The following DLC1 variants were observed in gnomAD, a reference collection of about 807,000 sequenced individuals.
DLC1 encodes the protein rho GTPase-activating protein 7.
A neutral mutation model predicts 140.3 loss-of-function variants in DLC1; 54 were observed. The observed-to-expected ratio is 0.38, with a 90% CI of 0.31 to 0.48. The LOEUF (loss-of-function observed/expected upper bound fraction) is 0.48, where lower values mean the gene tolerates loss of function less well. Ranked by LOEUF, DLC1 falls within the 20% of genes least tolerant of loss-of-function variation. The pLI is 0.96. For missense variants in DLC1, 2,536 were observed against 1,907.0 expected, an observed-to-expected ratio of 1.33 and a Z score of -6.14; for synonymous variants, 986 against 728.1, an observed-to-expected ratio of 1.35 and a Z score of -5.70.
intron 5 of DLC1, among the ~76,000 whole-genome samples, chr8:13,200,812 G>T (rs1247976083): frequency 6.6e-6 from 1 of 152,050 alleles, no homozygotes; most frequent in Non-Finnish European, 1.5e-5. Context: ...TGCCCAGGCT[G>T]GTCCGGAACT....
At chr8:13,494,251 A>T (rs1801397245) in intron 2 of DLC1, among the ~76,000 whole-genome samples, 1 of 152,226 alleles carries the variant, frequency 6.6e-6, no homozygotes, top group Non-Finnish European at 1.5e-5. Flanking sequence ...TATTTATGTT[A>T]TGAGTTATCT....
intron 5 of DLC1, among the ~76,000 whole-genome samples, chr8:13,224,319 C>T (rs1166784635): frequency 6.6e-6 from 1 of 152,120 alleles, no homozygotes; most frequent in East Asian, 1.9e-4. Flanking sequence ...TCTGGAAGAT[C>T]CTATTGCTGA....
At chr8:13,357,557 C>G (rs1171855733) in intron 4 of DLC1, among the ~76,000 whole-genome samples, 2 of 152,176 alleles carry the variant, frequency 1.3e-5, no homozygotes, top group African/African-American at 4.8e-5. Flanking sequence ...CTGGCACATT[C>G]TTACTGGGTT....
intron 1 of DLC1, among the ~76,000 whole-genome samples, chr8:13,549,918 C>T (rs1803786695): frequency 1.3e-5 from 2 of 152,046 alleles, no homozygotes; most frequent in East Asian, 1.9e-4. Flanking sequence ...ACAAACTACA[C>T]GTGAATAGGC....
intron 4 of DLC1, among the ~76,000 whole-genome samples, chr8:13,351,491 C>G (rs1834660565): frequency 6.6e-6 from 1 of 152,096 alleles, no homozygotes; most frequent in African/African-American, 2.4e-5. Flanking sequence ...ATCTTGTGAA[C>G]TACATTTTTT....
intron 5 of DLC1, among the ~76,000 whole-genome samples, chr8:13,235,397 C>T (rs1829230461): frequency 6.6e-6 from 1 of 152,064 alleles, no homozygotes; most frequent in Non-Finnish European, 1.5e-5. Flanking sequence ...GAATGGATTA[C>T]ATTCTCCTCA....
chr8:13,268,398 T>C (rs955625285), intron 5 of DLC1, among the ~76,000 whole-genome samples: 3 of 152,026 alleles, frequency 2.0e-5, no homozygotes, highest in Non-Finnish European at 4.4e-5. Flanking sequence ...CACTGCAAGC[T>C]CCGCCTCCCA....
intron 1 of DLC1, among the ~76,000 whole-genome samples, chr8:13,603,606 A>G (rs1368789667): frequency 6.6e-6 from 1 of 152,082 alleles, no homozygotes; most frequent in East Asian, 1.9e-4. Flanking sequence ...TCTCTACATC[A>G]TAGTGGCAAT....
chr8:13,584,985 C>A (rs938070838), intron 1 of DLC1, among the ~76,000 whole-genome samples: 2 of 152,180 alleles, frequency 1.3e-5, no homozygotes, highest in African/African-American at 4.8e-5. Flanking sequence ...GTGCAGTATA[C>A]TCTGTAAAAT....
intron 1 of DLC1, among the ~76,000 whole-genome samples, chr8:13,590,840 T>C (rs1443631139): frequency 6.6e-6 from 1 of 152,168 alleles, no homozygotes; most frequent in Non-Finnish European, 1.5e-5. Flanking sequence ...TAATTAAAAA[T>C]GCTTCATTTA....
intron 5 of DLC1, among the ~76,000 whole-genome samples, chr8:13,257,898 G>A (rs537610682): frequency 1.3e-5 from 2 of 152,250 alleles, no homozygotes; most frequent in South Asian, 2.1e-4. Flanking sequence ...TTTTATCAAA[G>A]CAATGAAAAA....
At chr8:13,379,776 G>A (rs1404934913) in intron 4 of DLC1, among the ~76,000 whole-genome samples, 4 of 152,134 alleles carry the variant, frequency 2.6e-5, no homozygotes, top group Admixed American at 1.3e-4. Context: ...CAGGCCTTAG[G>A]TATTTGTCCT....
intron 1 of DLC1, among the ~76,000 whole-genome samples, chr8:13,522,733 G>C (rs1449924899): frequency 1.3e-5 from 2 of 152,124 alleles, no homozygotes; most frequent in African/African-American, 4.8e-5. Context: ...AGAAAATGCA[G>C]AGCATGCTAA....
intron 2 of DLC1, among the ~76,000 whole-genome samples, chr8:13,432,790 A>C (rs893783056): frequency 6.6e-6 from 1 of 152,152 alleles, no homozygotes; most frequent in Non-Finnish European, 1.5e-5. Flanking sequence ...CATGAAGTCT[A>C]CTCAGGAGGT....
intron 4 of DLC1, among the ~76,000 whole-genome samples, chr8:13,379,255 T>G (rs987015340): frequency 1.3e-5 from 2 of 152,212 alleles, no homozygotes; most frequent in African/African-American, 4.8e-5. Flanking sequence ...CCTGGCCTAA[T>G]TGCCTTCACC....
intron 5 of DLC1, among the ~76,000 whole-genome samples, chr8:13,271,237 T>C (rs1830919188): frequency 6.6e-6 from 1 of 152,186 alleles, no homozygotes. Context: ...AAGTGTTTGT[T>C]TACTAGAGGA....
rs1056025287 is a variant in DLC1 at position 13,149,381 on chromosome 8, C to A, written c.1349-33724G>T. On this transcript the variant is annotated intron_variant, in intron 5 of 17. Transcript: ENST00000276297. The stretch of plus-strand genomic sequence containing the variant: ...TTAATATTCTTCTCATTTCCTACCC[C>A]CAGAACTTGCTCTGAAGCAGTCTGT... 2.0e-4 allele frequency among the ~76,000 whole-genome samples: 31 copies of A among 152,138 alleles called. 1 individual carries two copies. Among genetic ancestry groups the A allele is most frequent in the African/African-American group, 1.4e-4 (6 of 41,420 alleles).
chr8:13,569,719 A>G (rs1037968832), intron 1 of DLC1, among the ~76,000 whole-genome samples: 2 of 152,090 alleles, frequency 1.3e-5, no homozygotes, highest in African/African-American at 2.4e-5. Flanking sequence ...TATTTTTTAA[A>G]TTTGTTACTT....
intron 2 of DLC1, among the ~76,000 whole-genome samples, chr8:13,443,313 C>T (rs1235334770): frequency 6.8e-6 from 1 of 147,568 alleles, no homozygotes; most frequent in African/African-American, 2.5e-5. Context: ...TGTAACTAAC[C>T]TGCACTTTGT....
Sources: gnomAD v4.1 joint callset for allele counts (sites outside exome capture counted in the v4.1 genomes callset) on GRCh38, gnomAD v4.1.1 for gene constraint, MANE v1.5 for transcripts, NCBI Gene and HGNC (gene_info 2026-07-23, HGNC 2026-07-21) for gene names.